MDGA2: variants seen among roughly 807,000 people sequenced by gnomAD.
MDGA2 encodes MAM domain-containing glycosylphosphatidylinositol anchor protein 2.
A neutral mutation model predicts 117.8 loss-of-function variants in MDGA2; 40 were observed. The observed-to-expected ratio is 0.34, with a 90% CI of 0.26 to 0.44. The LOEUF (loss-of-function observed/expected upper bound fraction) is 0.44. Ranked by LOEUF, MDGA2 falls within the 20% of genes least tolerant of loss-of-function variation. The pLI is 1.00. For synonymous variants in MDGA2, 452 were observed against 439.0 expected, an observed-to-expected ratio of 1.03 and a Z score of -0.37; for missense variants, 1,123 against 1,250.6, an observed-to-expected ratio of 0.90 and a Z score of 1.54.
intron 8 of MDGA2, among the ~76,000 whole-genome samples, chr14:47,030,705 G>A (rs994387616): frequency 2.6e-5 from 4 of 151,686 alleles, no homozygotes; most frequent in African/African-American, 9.7e-5. Flanking sequence ...CCAAAAAATG[G>A]GAATAAATTA....
rs577774705 is a variant in MDGA2, at chr14:47,255,963, A to C, written c.421-37768T>G. ...CTTTTACATAAAATTAAATTGACCC[A>C]TTTCCTGCATCTTCCCTTCCCCTAC... On this transcript the variant is annotated intron_variant, in intron 2 of 16. Transcript: ENST00000399232. Among the ~76,000 whole-genome samples, 34 of 151,918 alleles carry C rather than the reference A, an allele frequency of 2.2e-4. No individual in the cohort carries two copies. The South Asian group carries it at 6.7e-3, about 30-fold the overall frequency.
At chr14:47,606,755 G>T (rs1896750718) in intron 1 of MDGA2, among the ~76,000 whole-genome samples, 1 of 152,158 alleles carries the variant, frequency 6.6e-6, no homozygotes, top group Admixed American at 6.6e-5. Flanking sequence ...AAAAAGAGCT[G>T]CTGTGAGTGA....
chr14:47,227,436 C>T (rs1886545312), intron 2 of MDGA2, among the ~76,000 whole-genome samples: 1 of 152,188 alleles, frequency 6.6e-6, no homozygotes, highest in African/African-American at 2.4e-5. Flanking sequence ...AGCTTCCTCC[C>T]TTTCCTCTCC....
At chr14:47,533,218 G>T (rs17118871) in intron 1 of MDGA2, among the ~76,000 whole-genome samples, 1,738 of 152,266 alleles carry the variant, frequency 0.011, 38 homozygotes, top group African/African-American at 0.039. Context: ...GAATATCAGG[G>T]TGCTGGAGGA....
At chr14:47,147,315 T>C (rs1016856944) in intron 3 of MDGA2, among the ~76,000 whole-genome samples, 10 of 152,074 alleles carry the variant, frequency 6.6e-5, no homozygotes, top group Non-Finnish European at 1.3e-4. Flanking sequence ...GATTCAGAGA[T>C]GTGTGCGCAG....
chr14:46,980,765 G>A (rs1349700545), intron 8 of MDGA2, among the ~76,000 whole-genome samples: 1 of 152,166 alleles, frequency 6.6e-6, no homozygotes, highest in Non-Finnish European at 1.5e-5. Context: ...AGGTTCAGAT[G>A]ATTGCAAACA....
At chr14:47,345,701 T>G (rs4900740) in intron 1 of MDGA2, among the ~76,000 whole-genome samples, 2 of 152,094 alleles carry the variant, frequency 1.3e-5, no homozygotes, top group African/African-American at 2.4e-5. Flanking sequence ...GAAGATGAAT[T>G]ACAATGAAGC....
intron 1 of MDGA2, among the ~76,000 whole-genome samples, chr14:47,512,301 T>A (rs1894658522): frequency 1.3e-5 from 2 of 152,182 alleles, no homozygotes; most frequent in Non-Finnish European, 2.9e-5. Flanking sequence ...ACCTTGAAAC[T>A]ACCCATTGTA....
intron 7 of MDGA2, among the ~76,000 whole-genome samples, chr14:47,048,972 T>C (rs972602639): frequency 2.0e-5 from 3 of 152,102 alleles, no homozygotes; most frequent in East Asian, 3.8e-4. Flanking sequence ...ATTGGAATGA[T>C]AGATAACTCA....
chr14:47,022,982 G>A (rs571536737), intron 8 of MDGA2, among the ~76,000 whole-genome samples: 2 of 152,054 alleles, frequency 1.3e-5, no homozygotes, highest in South Asian at 2.1e-4. Context: ...CAAACCAATC[G>A]CGTCTCTGTA....
At chr14:47,223,733 G>C (rs1886380226) in intron 2 of MDGA2, among the ~76,000 whole-genome samples, 2 of 152,132 alleles carry the variant, frequency 1.3e-5, no homozygotes. Context: ...GTATTAGTCC[G>C]TTCTCATGCT....
chr14:47,288,324 C>A (rs547188865), intron 2 of MDGA2, among the ~76,000 whole-genome samples: 22 of 152,298 alleles, frequency 1.4e-4, no homozygotes, highest in African/African-American at 4.1e-4. Context: ...TGACTGACTA[C>A]AGTACATCTT....
intron 7 of MDGA2, among the ~76,000 whole-genome samples, chr14:47,049,284 T>C (rs962574951): frequency 1.3e-5 from 2 of 151,984 alleles, no homozygotes; most frequent in East Asian, 3.9e-4. Context: ...TCACAGGACA[T>C]GGAGATGGAG....
In MDGA2 at chr14:47,382,268, C is replaced by G. The variant is rs554295493; in HGVS notation, c.281-80718G>C. ...TAAAATCCCTAGAAGAAAACCTAGG[C>G]AACACCATTCAGGACATAGGCATGG... On this transcript the variant is annotated intron_variant, in intron 1 of 16. Coordinates refer to ENST00000399232, the MANE Select transcript of MDGA2 (RefSeq NM_001113498.3). Among the ~76,000 whole-genome samples, 3 of 152,292 alleles carry G rather than the reference C, an allele frequency of 2.0e-5. No homozygotes were observed. In the South Asian group the frequency reaches 6.2e-4, roughly 32 times the overall value.
chr14:47,200,911 G>A, intron 3 of MDGA2: 2 of 847,668 alleles, frequency 2.4e-6, no homozygotes, highest in South Asian at 2.7e-5. Flanking sequence ...GGCCTCGCTT[G>A]GTCTTGTGGG....
rs555181515 is a variant in MDGA2, at chr14:47,095,843, T to C, written c.1195+1011A>G. On this transcript the variant is annotated intron_variant, in intron 6 of 16. Transcript: ENST00000399232. ...ACAAAATCACAAGTGTTTATCTCTA[T>C]ACATTTGATTATGTTTTGCTTCCAT... 3.3e-5 allele frequency among the ~76,000 whole-genome samples: 5 copies of C among 152,156 alleles called. No homozygotes were observed. The East Asian group carries it at 9.6e-4, about 29-fold the overall frequency.
At chr14:47,207,592 CT>C (rs1034609722) in intron 3 of MDGA2, among the ~76,000 whole-genome samples, 11 of 152,028 alleles carry the variant, frequency 7.2e-5, no homozygotes, top group Non-Finnish European at 1.5e-4. Flanking sequence ...GAAAATATTT[CT>C]AAAAGCTTTT....
chr14:47,510,292 C>T (rs563472331), intron 1 of MDGA2, among the ~76,000 whole-genome samples: 6 of 152,276 alleles, frequency 3.9e-5, no homozygotes, highest in Non-Finnish European at 8.8e-5. Flanking sequence ...CCTGCAGCCT[C>T]CGGAACTGTG....
chr14:47,186,029 C>T (rs2139387713), intron 3 of MDGA2, among the ~76,000 whole-genome samples: 1 of 151,424 alleles, frequency 6.6e-6, no homozygotes, highest in South Asian at 2.1e-4. Context: ...TTCATACCAT[C>T]AATACTCATT....
Sources: allele counts gnomAD v4.1 joint callset (sites outside exome capture counted in the v4.1 genomes callset), GRCh38; gene constraint gnomAD v4.1.1; transcripts MANE v1.5; gene names NCBI Gene and HGNC (gene_info 2026-07-23, HGNC 2026-07-21).